The following FAM168A variants were observed in gnomAD, a reference collection of about 807,000 sequenced individuals.
FAM168A encodes the protein family with sequence similarity 168 member A.
Under a neutral mutation model 28.5 loss-of-function variants are expected in FAM168A, and 3 were observed. That is an observed-to-expected ratio of 0.11 (90% CI 0.05 to 0.27). The LOEUF (loss-of-function observed/expected upper bound fraction) is 0.27, where lower values mean the gene tolerates loss of function less well. Ranked by LOEUF, FAM168A falls within the 10% of genes least tolerant of loss-of-function variation. FAM168A has a pLI of 1.00. For missense variants in FAM168A, 222 were observed against 311.5 expected, an observed-to-expected ratio of 0.71 and a Z score of 2.16; for synonymous variants, 122 against 124.2, an observed-to-expected ratio of 0.98 and a Z score of 0.12.
At chr11:73,571,709 G>A (rs544087604) in intron 1 of FAM168A, among the ~76,000 whole-genome samples, 5 of 146,462 alleles carry the variant, frequency 3.4e-5, no homozygotes, top group South Asian at 2.2e-4. Flanking sequence ...GCCGCCCATC[G>A]TCTGGGATGT....
chr11:73,466,744 GA>G (rs992879254), intron 2 of FAM168A, among the ~76,000 whole-genome samples: 8 of 152,012 alleles, frequency 5.3e-5, no homozygotes, highest in African/African-American at 1.7e-4. Flanking sequence ...TTTTAAGAAA[GA>G]AAAAGAAATC....
At chr11:73,438,345 G>A (rs1217674005) in intron 2 of FAM168A, among the ~76,000 whole-genome samples, 1 of 152,208 alleles carries the variant, frequency 6.6e-6, no homozygotes, top group Non-Finnish European at 1.5e-5. Flanking sequence ...GTTGGGAAAG[G>A]CTTCTTAGAG....
At chr11:73,497,703 G>C (rs1854921615) in intron 1 of FAM168A, among the ~76,000 whole-genome samples, 1 of 152,030 alleles carries the variant, frequency 6.6e-6, no homozygotes, top group Non-Finnish European at 1.5e-5. Context: ...ACTGAACAAT[G>C]AGAACACTTG....
Position 73,402,308 on chromosome 11 carries a change from G to A in FAM168A, c.*4455C>T, listed in dbSNP as rs895010930. On this transcript the variant is annotated 3_prime_UTR_variant, in exon 8 of 8. Transcript: ENST00000356467. ...CCCTCTGGGCACAGAACAAAGCTGA[G>A]GAATTTGATATGGAAGCTCTGAGCC... is the stretch of plus-strand genomic sequence containing the variant. The A allele has an allele frequency of 1.3e-5, 2 of 152,248 alleles. No homozygotes were observed. Among genetic ancestry groups the A allele is most frequent in the African/African-American group, 2.4e-5 (1 of 41,464 alleles). The allele number at this position is 152,248 out of a possible 1,614,324, so 9.4% of individuals were successfully genotyped here. A position where few individuals can be genotyped will look rare whatever the true frequency, so the allele number is the denominator to read the frequency against.
intron 1 of FAM168A, among the ~76,000 whole-genome samples, chr11:73,496,615 C>T (rs191778657): frequency 1.6e-4 from 25 of 152,338 alleles, no homozygotes; most frequent in Non-Finnish European, 3.4e-4. Flanking sequence ...GGCTGGAGTG[C>T]AGTGGCGCGA....
chr11:73,595,238 A>T (rs1211280856), intron 1 of FAM168A, among the ~76,000 whole-genome samples: 1 of 152,224 alleles, frequency 6.6e-6, no homozygotes, highest in Non-Finnish European at 1.5e-5. Context: ...ACTGAATTAC[A>T]GGTAACTGCT....
At chr11:73,421,073 G>GC (rs1055669057) in intron 3 of FAM168A, among the ~76,000 whole-genome samples, 9 of 141,300 alleles carry the variant, frequency 6.4e-5, no homozygotes, top group Admixed American at 2.7e-4. Context: ...TAAAGTCTTG[G>GC]GGGGGGGGTC....
intron 1 of FAM168A, among the ~76,000 whole-genome samples, chr11:73,500,801 CA>C (rs2134623315): frequency 6.6e-6 from 1 of 152,174 alleles, no homozygotes; most frequent in East Asian, 1.9e-4. Flanking sequence ...AATAACCAAA[CA>C]GCATCATGAT....
chr11:73,554,857 G>T (rs971135098), intron 1 of FAM168A, among the ~76,000 whole-genome samples: 2 of 152,170 alleles, frequency 1.3e-5, no homozygotes, highest in Non-Finnish European at 2.9e-5. Context: ...AATGAGTAAA[G>T]AGAGAAATGA....
intron 3 of FAM168A, among the ~76,000 whole-genome samples, chr11:73,424,474 C>T (rs1296905663): frequency 6.6e-6 from 1 of 151,942 alleles, no homozygotes; most frequent in Non-Finnish European, 1.5e-5. Context: ...CAGTTCTGGT[C>T]CCTCATTTAT....
chr11:73,594,994 G>A (rs934195876), intron 1 of FAM168A, among the ~76,000 whole-genome samples: 1 of 152,008 alleles, frequency 6.6e-6, no homozygotes, highest in Non-Finnish European at 1.5e-5. Flanking sequence ...ATATCGGGAG[G>A]ATCAAATGAG....
At chr11:73,513,430 A>G (rs191783225) in intron 1 of FAM168A, among the ~76,000 whole-genome samples, 1 of 150,292 alleles carries the variant, frequency 6.7e-6, no homozygotes, top group Non-Finnish European at 1.5e-5. Context: ...GTTAGCCAGG[A>G]TGGTCTCGAT....
intron 1 of FAM168A, among the ~76,000 whole-genome samples, chr11:73,582,671 C>A (rs1368947766): frequency 2.6e-5 from 4 of 152,122 alleles, no homozygotes; most frequent in African/African-American, 9.7e-5. Flanking sequence ...TTATAGCATT[C>A]ATTTTATATT....
intron 2 of FAM168A, among the ~76,000 whole-genome samples, chr11:73,465,489 T>C (rs1243295935): frequency 1.3e-5 from 2 of 152,134 alleles, no homozygotes; most frequent in Non-Finnish European, 2.9e-5. Context: ...TGAGCTGTCA[T>C]AACAAAATAC....
chr11:73,417,350 A>C (rs74355534), intron 4 of FAM168A, among the ~76,000 whole-genome samples: 1,960 of 152,320 alleles, frequency 0.013, 50 homozygotes, highest in African/African-American at 0.044. Context: ...GGTTACACAG[A>C]ACCCAGTCTA....
intron 1 of FAM168A, among the ~76,000 whole-genome samples, chr11:73,590,790 T>A (rs945068116): frequency 6.6e-6 from 1 of 152,172 alleles, no homozygotes; most frequent in Non-Finnish European, 1.5e-5. Context: ...CTTTTTTTTT[T>A]AAACAGCTCC....
intron 4 of FAM168A, among the ~76,000 whole-genome samples, chr11:73,417,604 G>GTA (rs1866717633): frequency 6.9e-6 from 1 of 145,046 alleles, no homozygotes; most frequent in Non-Finnish European, 1.5e-5. Context: ...CTGTTGCCCA[G>GTA]GCTGTAGTGC....
chr11:73,504,153 T>C (rs987712208), intron 1 of FAM168A, among the ~76,000 whole-genome samples: 2 of 151,976 alleles, frequency 1.3e-5, no homozygotes, highest in Non-Finnish European at 2.9e-5. Context: ...AATTGACAAA[T>C]GGGATCTAAT....
chr11:73,594,390 T>C (rs1048534019), intron 1 of FAM168A, among the ~76,000 whole-genome samples: 2 of 151,870 alleles, frequency 1.3e-5, no homozygotes, highest in South Asian at 2.1e-4. Flanking sequence ...TGAGCCACTA[T>C]GCCTGGCCAG....
Sources: gnomAD v4.1 joint callset for allele counts (sites outside exome capture counted in the v4.1 genomes callset) on GRCh38, gnomAD v4.1.1 for gene constraint, MANE v1.5 for transcripts, NCBI Gene and HGNC (gene_info 2026-07-23, HGNC 2026-07-21) for gene names.